Variants in DGKH observed in about 807,000 individuals in gnomAD.
DGKH encodes the protein DAG kinase eta.
DGKH carries 90 observed loss-of-function variants against 159.3 expected under a neutral mutation model. The observed-to-expected ratio is 0.57, with a 90% CI of 0.48 to 0.67. DGKH has a LOEUF of 0.67. DGKH is among the 30% of genes least tolerant of loss of function. DGKH has a pLI of 0.00. For synonymous variants in DGKH, 536 were observed against 553.8 expected (o/e 0.97, Z 0.45); for missense variants, 1,181 against 1,506.1 (o/e 0.78, Z 3.57).
intron 1 of DGKH, among the ~76,000 whole-genome samples, chr13:42,073,019 C>G (rs187739479): frequency 7.2e-5 from 11 of 152,206 alleles, no homozygotes; most frequent in Admixed American, 5.2e-4. Flanking sequence ...TTTTCCCTGC[C>G]CTGTCTCCTG....
chr13:42,216,947 C>T (rs887716313), intron 26 of DGKH, among the ~76,000 whole-genome samples: 2 of 152,152 alleles, frequency 1.3e-5, no homozygotes, highest in Admixed American at 6.6e-5. Flanking sequence ...CGAAAAGTAC[C>T]TGCTGAGTGC....
At chr13:42,069,161 G>A in intron 1 of DGKH, 7 of 1,364,174 alleles carry the variant, frequency 5.1e-6, no homozygotes, top group Non-Finnish European at 7.2e-6. Context: ...TCCTCTACTG[G>A]CTCAGTTTCT....
At chr13:42,160,601 AG>A (rs2137978429) in intron 7 of DGKH, among the ~76,000 whole-genome samples, 1 of 152,348 alleles carries the variant, frequency 6.6e-6, no homozygotes, top group East Asian at 1.9e-4. Flanking sequence ...TGGTGAGGAC[AG>A]GGCCTCTGGA....
rs376285061 is a variant in DGKH at position 42,178,470 on chromosome 13, G to A, written c.1538+250G>A. ...TTTTTATCAAAAAGGTGTAAGAAGC[G>A]TTTAGAGTTTAATTAACCTAAATGT... On this transcript the variant is annotated intron_variant, in intron 13 of 29. Transcript: ENST00000337343. Among the ~76,000 whole-genome samples the A allele has an allele frequency of 3.4e-4, 51 of 152,026 alleles. No individual in the cohort carries two copies. The South Asian group carries it at 4.8e-3, about 14-fold the overall frequency.
At chr13:42,198,409 T>C in intron 17 of DGKH, 69 bp from the exon 18 acceptor site, 1 of 1,375,624 alleles carries the variant, frequency 7.3e-7, no homozygotes, top group East Asian at 2.3e-5. Context: ...ATATCAGGCC[T>C]GGATGGACTG....
At chr13:42,126,269 G>T (rs1386959595) in intron 1 of DGKH, among the ~76,000 whole-genome samples, 1 of 152,190 alleles carries the variant, frequency 6.6e-6, no homozygotes, top group East Asian at 1.9e-4. Context: ...CGTGGGGTGG[G>T]TAATAAGATC....
intron 1 of DGKH, among the ~76,000 whole-genome samples, 154 bp downstream of exon 1, chr13:42,049,119 AAGG>A (rs2137634476): frequency 6.4e-5 from 5 of 77,636 alleles, no homozygotes; most frequent in East Asian, 3.5e-4. Context: ...GAAGGCGGGG[AAGG>A]CGGGGAAGGC....
chr13:42,072,928 A>C (rs1044260253), intron 1 of DGKH, among the ~76,000 whole-genome samples: 3 of 151,846 alleles, frequency 2.0e-5, no homozygotes, highest in Non-Finnish European at 4.4e-5. Flanking sequence ...CACCGAATAC[A>C]CTAGATAGTA....
intron 11 of DGKH, among the ~76,000 whole-genome samples, chr13:42,171,463 C>G (rs184953479): frequency 5.1e-4 from 77 of 152,306 alleles, no homozygotes; most frequent in Non-Finnish European, 8.4e-4. Context: ...CTGCCACTTT[C>G]TCCTTTTTAT....
At chr13:42,138,009 G>C (rs1469963225) in intron 3 of DGKH, 1 of 826,904 alleles carries the variant, frequency 1.2e-6, no homozygotes, top group East Asian at 1.2e-4. Context: ...TCATCTGATA[G>C]AACAGGCCCC....
At chr13:42,152,506 T>C (rs1002267497) in intron 3 of DGKH, among the ~76,000 whole-genome samples, 2 of 149,080 alleles carry the variant, frequency 1.3e-5, no homozygotes, top group African/African-American at 4.9e-5. Flanking sequence ...CACAAACATA[T>C]ATATATTATA....
intron 1 of DGKH, among the ~76,000 whole-genome samples, chr13:42,107,343 A>G (rs953711097): frequency 1.3e-5 from 2 of 152,230 alleles, no homozygotes; most frequent in Non-Finnish European, 2.9e-5. Context: ...GAATGCCAGG[A>G]GCAGACACTG....
intron 1 of DGKH, among the ~76,000 whole-genome samples, chr13:42,098,095 A>G (rs1350512264): frequency 6.6e-6 from 1 of 152,188 alleles, no homozygotes; most frequent in Non-Finnish European, 1.5e-5. Context: ...TTTATTGGGA[A>G]TGAGTAGAGC....
chr13:42,078,097 C>A (rs963799950), intron 1 of DGKH, among the ~76,000 whole-genome samples: 2 of 152,128 alleles, frequency 1.3e-5, no homozygotes, highest in Non-Finnish European at 2.9e-5. Context: ...TTACTCTGTT[C>A]TTTTTGCAAA....
chr13:42,166,776 C>T (rs1956325345), intron 9 of DGKH, 102 bp downstream of exon 9: 1 of 1,020,614 alleles, frequency 9.8e-7, no homozygotes, highest in East Asian at 3.0e-5. Context: ...CTCTAGATCC[C>T]TCCCTCGTTT....
At chr13:42,090,335 AC>A (rs1210058442) in intron 1 of DGKH, among the ~76,000 whole-genome samples, 3 of 152,214 alleles carry the variant, frequency 2.0e-5, no homozygotes, top group Non-Finnish European at 4.4e-5. Flanking sequence ...CTCCAAAGTG[AC>A]CTACAGATTC....
intron 1 of DGKH, among the ~76,000 whole-genome samples, chr13:42,106,153 G>A (rs1020942875): frequency 1.3e-5 from 2 of 152,040 alleles, no homozygotes; most frequent in African/African-American, 2.4e-5. Context: ...AATTACAGGC[G>A]TGTACCACCA....
intron 1 of DGKH, among the ~76,000 whole-genome samples, chr13:42,080,401 A>G (rs1196889049): frequency 6.6e-6 from 1 of 152,164 alleles, no homozygotes; most frequent in African/African-American, 2.4e-5. Context: ...GTTCCTTCCC[A>G]GCTTTGTTAT....
chr13:42,138,657 T>G (rs1000264963), intron 3 of DGKH, among the ~76,000 whole-genome samples: 3 of 152,182 alleles, frequency 2.0e-5, no homozygotes, highest in Non-Finnish European at 2.9e-5. Context: ...TACCCATAAA[T>G]TCTTGCACCC....
Sources: gnomAD v4.1 joint callset for allele counts (sites outside exome capture counted in the v4.1 genomes callset) on GRCh38, gnomAD v4.1.1 for gene constraint, MANE v1.5 for transcripts, NCBI Gene and HGNC (gene_info 2026-07-23, HGNC 2026-07-21) for gene names.